Variants in VANGL2 observed in about 807,000 individuals in gnomAD.
The protein encoded by VANGL2 is VANGL planar cell polarity protein 2, also known as vang-like protein 2.
In VANGL2, 14 loss-of-function variants were observed where a neutral mutation model predicts 50.2. The observed-to-expected ratio is 0.28, with a 90% confidence interval of 0.18 to 0.44. VANGL2 has a LOEUF of 0.44. Ranked by LOEUF, VANGL2 falls within the 20% of genes least tolerant of loss-of-function variation. The pLI is 1.00. For synonymous variants in VANGL2, 295 were observed against 297.2 expected (o/e 0.99, Z 0.08); for missense variants, 533 against 701.5 (o/e 0.76, Z 2.71).
At position 160,419,438 on chromosome 1, in the gene VANGL2, G is replaced by A. The variant is rs1024334237; in HGVS notation, c.629G>A (p.Arg210His). 10 of 1,611,080 alleles carry A rather than the reference G, an allele frequency of 6.2e-6. No individual in the cohort carries two copies. The highest frequency in any genetic ancestry group is 2.2e-5 in the East Asian group (1 of 44,876). Residue 210 changes from arginine (R) to histidine (H), a missense_variant, in exon 4 of 8, where the codon CGC becomes CAC. Transcript: ENST00000368061. The surrounding 1 kb of genome is among the most constrained non-coding windows in gnomAD (Gnocchi z 5.8). ...YGVRILDARE[R>H]SYQGVVQFAV... ...GTGCGCATCCTGGATGCTCGGGAGCGCAGCTACCAGGGCGTGGTGCAGTTC... is the reference window on the plus strand; with the variant it reads ...GTGCGCATCCTGGATGCTCGGGAGCACAGCTACCAGGGCGTGGTGCAGTTC...
At chr1:160,408,626 A>G (rs1650772730) in intron 1 of VANGL2, among the ~76,000 whole-genome samples, 1 of 152,056 alleles carries the variant, frequency 6.6e-6, no homozygotes, top group South Asian at 2.1e-4. Flanking sequence ...CCCTGGGGCT[A>G]TGAGGATGGT....
Position 160,425,486 on chromosome 1 carries a change from CTT to C in VANGL2, c.*117_*118del. 19 of 782,440 alleles carry C rather than the reference CTT, an allele frequency of 2.4e-5. No homozygotes were observed. The highest frequency in any genetic ancestry group is 3.1e-5 in the Non-Finnish European group (17 of 549,732). The allele number at this position is 782,440 out of a possible 1,614,324, so 48.5% of individuals were successfully genotyped here. A position where few individuals can be genotyped will look rare whatever the true frequency, so the allele number is the denominator to read the frequency against. On this transcript the variant is annotated 3_prime_UTR_variant, in exon 8 of 8. Coordinates refer to ENST00000368061, the MANE Select transcript of VANGL2 (RefSeq NM_020335.3). ...TCCTGCCACCCTTCTTCTTCTTGCT[CTT>C]TTTTTTTTACTTGAATTAACGCACC...
Position 160,425,419 on chromosome 1 carries a change from T to TGGGGGGGGCCGG in VANGL2, c.*42_*43insGGGGGGGCCGGG. 1 of 244,398 alleles carries TGGGGGGGGCCGG rather than the reference T, an allele frequency of 4.1e-6. No homozygotes were observed. The highest frequency in any genetic ancestry group is 5.7e-6 in the Non-Finnish European group (1 of 174,458). 15.1% of individuals were successfully genotyped at this position (244,398 alleles called of 1,614,324 possible). On this transcript the variant is annotated 3_prime_UTR_variant, in exon 8 of 8. Coordinates refer to ENST00000368061, the MANE Select transcript of VANGL2 (RefSeq NM_020335.3). ...GGGAGTGGGAAACTCTGGGGGGTCCTGAGGGGGTGGGAGGGGGCTTGGTTC... is the reference window on the plus strand; with the variant it reads ...GGGAGTGGGAAACTCTGGGGGGTCCTGGGGGGGGCCGGGAGGGGGTGGGAGGGGGCTTGGTTC...
In VANGL2 at chr1:160,419,721, G is replaced by C. The variant is rs1167260238; in HGVS notation, c.800+112G>C. On this transcript the variant is annotated intron_variant, in intron 4 of 7. Transcript: ENST00000368061. This position sits in a 1 kb window ranked among gnomAD's most constrained non-coding sequence, Gnocchi z 5.8. ...GGGCTGGAGGTGATGGGCTTGGAGG[G>C]TTGTGTGGGAGGGAGTTGAGTACTT... 4 of 1,457,070 alleles carry C rather than the reference G, an allele frequency of 2.7e-6. No homozygotes were observed. Among genetic ancestry groups the C allele is most frequent in the South Asian group, 1.4e-5 (1 of 73,036 alleles). The allele number at this position is 1,457,070 out of a possible 1,614,324, so 90.3% of individuals were successfully genotyped here. A position where few individuals can be genotyped will look rare whatever the true frequency, so the allele number is the denominator to read the frequency against.
At chr1:160,420,101 C>T (rs553072660) in intron 4 of VANGL2, among the ~76,000 whole-genome samples, 7 of 152,136 alleles carry the variant, frequency 4.6e-5, no homozygotes, top group Admixed American at 1.3e-4. Flanking sequence ...ATCAGTGGCA[C>T]GTCCTGGGTC....
chr1:160,408,546 A>G (rs972719772), intron 1 of VANGL2, among the ~76,000 whole-genome samples: 1 of 152,102 alleles, frequency 6.6e-6, no homozygotes, highest in African/African-American at 2.4e-5. Flanking sequence ...TGCCTGGATG[A>G]CACAAGCATG....
At chr1:160,423,927 T>A in intron 6 of VANGL2, 125 bp from the exon 7 acceptor site, 1 of 1,041,462 alleles carries the variant, frequency 9.6e-7, no homozygotes, top group Middle Eastern at 3.0e-4. Flanking sequence ...TCTGGCTTTG[T>A]ATTACTTTGG....
rs183163448 is a variant in VANGL2 at position 160,422,729 on chromosome 1, A to G, written c.1074-1323A>G. Among the ~76,000 whole-genome samples, 509 of 152,066 alleles carry G rather than the reference A, an allele frequency of 3.3e-3. 14 individuals are homozygous for G. Among genetic ancestry groups the G allele is most frequent in the East Asian group, 9.7e-4 (5 of 5,176 alleles). On this transcript the variant is annotated intron_variant, in intron 6 of 7. Transcript: ENST00000368061. ...ACATATTGTCATTATAGAGTTTTTC[A>G]TGGTTCTTTATTCTGTTTCTTCTTT... is the stretch of plus-strand genomic sequence containing the variant.
intron 1 of VANGL2, among the ~76,000 whole-genome samples, chr1:160,407,084 C>T (rs986335347): frequency 2.0e-5 from 3 of 152,112 alleles, no homozygotes; most frequent in South Asian, 2.1e-4. Flanking sequence ...GTGCTGAGCC[C>T]GAAGTGTGAA....
intron 1 of VANGL2, among the ~76,000 whole-genome samples, chr1:160,407,143 A>T (rs12035129): frequency 0.023 from 3,482 of 152,284 alleles, 110 homozygotes; most frequent in African/African-American, 0.073. Flanking sequence ...ATGCATTTTG[A>T]CACCTGCTTT....
At chr1:160,424,308 C>A in intron 7 of VANGL2, 25 bp downstream of exon 7, 1 of 1,603,174 alleles carries the variant, frequency 6.2e-7, no homozygotes. Context: ...CTGCCAGCAT[C>A]CTTCCTCCTT....
chr1:160,409,204 A>C (rs1650791500), intron 1 of VANGL2, among the ~76,000 whole-genome samples: 1 of 152,078 alleles, frequency 6.6e-6, no homozygotes, highest in Admixed American at 6.5e-5. Flanking sequence ...TCATGGAGAA[A>C]CCTGGTCTCA....
rs200595065 is a variant in VANGL2, at chr1:160,425,354, G to A, written c.1542G>A (p.Arg514=). Residue 514 remains arginine (R), a synonymous_variant, in exon 8 of 8, where the codon AGG becomes AGA. Transcript: ENST00000368061. ...VDPKSHKFVM[R]LQSETSV Reference sequence around the variant, plus strand: ...CCAAGTCACACAAGTTTGTCATGAGGCTGCAGTCTGAGACCTCAGTGTGAC... The same window carrying A: ...CCAAGTCACACAAGTTTGTCATGAGACTGCAGTCTGAGACCTCAGTGTGAC... The A allele has an allele frequency of 2.1e-4, 341 of 1,597,282 alleles. No individual in the cohort carries two copies. Among genetic ancestry groups the A allele is most frequent in the Non-Finnish European group, 2.7e-4 (321 of 1,170,784 alleles).
chr1:160,412,400 A>G (rs12077845), intron 1 of VANGL2, among the ~76,000 whole-genome samples: 13,861 of 151,878 alleles, frequency 0.091, 1,432 homozygotes, highest in African/African-American at 0.26. Context: ...TGAGCCTCCT[A>G]GCAAAATTCA....
In VANGL2 at chr1:160,428,117, T is replaced by A. The variant is rs1651535823; in HGVS notation, c.*2739T>A. 6.5e-6 allele frequency: 1 copy of A among 152,680 alleles called. No individual in the cohort carries two copies. The highest frequency in any genetic ancestry group is 1.5e-5 in the Non-Finnish European group (1 of 68,076). 9.5% of individuals were successfully genotyped at this position (152,680 alleles called of 1,614,324 possible). A position where few individuals can be genotyped will look rare whatever the true frequency, so the allele number is the denominator to read the frequency against. ...GCCCTTAACTTTTCTCTTTCCCATC[T>A]CCACTCAGTATTCCAATGGCAAACC... On this transcript the variant is annotated 3_prime_UTR_variant, in exon 8 of 8. Transcript: ENST00000368061.
At position 160,419,347 on chromosome 1, in the gene VANGL2, G is replaced by A. The variant is rs1364394096; in HGVS notation, c.538G>A (p.Val180Met). 1 of 1,611,444 alleles carries A rather than the reference G, an allele frequency of 6.2e-7. No homozygotes were observed. The highest frequency in any genetic ancestry group is 8.5e-7 in the Non-Finnish European group (1 of 1,180,024). The change falls in exon 4 of 8, where the codon GTG becomes ATG. Residue 180 changes from valine to methionine, a missense_variant. By Grantham distance (21) the Val-to-Met change is conservative. Transcript: ENST00000368061. This position sits in a 1 kb window ranked among gnomAD's most constrained non-coding sequence, Gnocchi z 5.8. ...RPKASLPRVF[V>M]LRALLMVLVF... ...CAAGGCCTCGCTGCCCCGCGTCTTT[G>A]TGCTGCGTGCCCTGCTTATGGTGCT...
chr1:160,410,568 G>A (rs1417991686), intron 1 of VANGL2, among the ~76,000 whole-genome samples: 1 of 152,128 alleles, frequency 6.6e-6, no homozygotes, highest in Non-Finnish European at 1.5e-5. Flanking sequence ...GGGGGTGCTG[G>A]CGTTTGTGTT....
chr1:160,423,811 T>A (rs1165954919), intron 6 of VANGL2, among the ~76,000 whole-genome samples: 1 of 152,268 alleles, frequency 6.6e-6, no homozygotes, highest in East Asian at 1.9e-4. Flanking sequence ...TAGTTCCTAG[T>A]TGTCTCTCTG....
At chr1:160,420,357 CT>C in intron 4 of VANGL2, 53 bp from the exon 5 acceptor site, 9 of 1,611,766 alleles carry the variant, frequency 5.6e-6, no homozygotes, top group Non-Finnish European at 7.6e-6. Context: ...TCCCTTTCCC[CT>C]GTGCCCCTTG....
Sources: gnomAD v4.1 joint callset for allele counts (sites outside exome capture counted in the v4.1 genomes callset) on GRCh38, gnomAD v4.1.1 for gene constraint, Gnocchi (gnomAD v3.1) non-coding constraint, MANE v1.5 for transcripts, NCBI Gene and HGNC (gene_info 2026-07-23, HGNC 2026-07-21) for gene names.